PRKG1: variants seen among roughly 807,000 people sequenced by gnomAD.
The protein encoded by PRKG1 is cGMP-dependent protein kinase 1.
PRKG1 carries 35 observed loss-of-function variants against 88.1 expected under a neutral mutation model. That is an observed-to-expected ratio of 0.40 (90% CI 0.30 to 0.53). The LOEUF is 0.53. PRKG1 is among the 20% of genes least tolerant of loss of function. The pLI, the probability that PRKG1 is intolerant of heterozygous loss-of-function variation, is 0.59. For synonymous variants in PRKG1, 303 were observed against 292.5 expected (o/e 1.04, Z -0.37); for missense variants, 540 against 839.8 (o/e 0.64, Z 4.41).
chr10:51,134,930 A>G (rs1380400372), intron 1 of PRKG1, among the ~76,000 whole-genome samples: 1 of 152,214 alleles, frequency 6.6e-6, no homozygotes, highest in Non-Finnish European at 1.5e-5. Flanking sequence ...TTTGGAAAAT[A>G]ATAAAATGGA....
At chr10:51,146,884 G>A (rs765798234) in intron 1 of PRKG1, among the ~76,000 whole-genome samples, 9 of 152,012 alleles carry the variant, frequency 5.9e-5, no homozygotes, top group African/African-American at 1.9e-4. Context: ...GCCAAGATAC[G>A]GAATCAATCT....
intron 3 of PRKG1, among the ~76,000 whole-genome samples, chr10:51,599,823 C>A (rs1484333106): frequency 6.6e-6 from 1 of 152,152 alleles, no homozygotes; most frequent in East Asian, 1.9e-4. Flanking sequence ...TGCCTTAATG[C>A]TGCTTTTTAA....
chr10:52,037,150 C>T (rs979279708), intron 5 of PRKG1, among the ~76,000 whole-genome samples: 7 of 152,200 alleles, frequency 4.6e-5, no homozygotes, highest in East Asian at 1.9e-4. Context: ...GGGTCCCACA[C>T]AGATGGGACA....
intron 2 of PRKG1, among the ~76,000 whole-genome samples, chr10:51,180,441 A>T (rs1334742727): frequency 6.6e-6 from 1 of 152,220 alleles, no homozygotes; most frequent in East Asian, 1.9e-4. Flanking sequence ...CATCCCAAAG[A>T]TCCCCATCTT....
intron 9 of PRKG1, among the ~76,000 whole-genome samples, chr10:52,240,575 C>T (rs1179850833): frequency 1.3e-5 from 2 of 152,088 alleles, no homozygotes; most frequent in Non-Finnish European, 2.9e-5. Context: ...AGTTTTTTGG[C>T]AGCATCATAG....
At chr10:51,977,095 T>C (rs886095397) in intron 5 of PRKG1, among the ~76,000 whole-genome samples, 1 of 151,974 alleles carries the variant, frequency 6.6e-6, no homozygotes, top group Admixed American at 6.6e-5. Context: ...CCATTAGTTA[T>C]TGTTCAGACC....
intron 3 of PRKG1, among the ~76,000 whole-genome samples, chr10:51,706,043 G>A (rs942719025): frequency 2.0e-5 from 3 of 152,284 alleles, no homozygotes; most frequent in Admixed American, 6.5e-5. Flanking sequence ...TCAGTGCTGT[G>A]GTAACAGATG....
chr10:51,305,142 G>A (rs546304957), intron 2 of PRKG1, among the ~76,000 whole-genome samples: 4 of 152,270 alleles, frequency 2.6e-5, no homozygotes, highest in African/African-American at 7.2e-5. Context: ...TCCTATAGGA[G>A]CATAATCACC....
At chr10:51,781,578 G>C (rs1401516174) in intron 3 of PRKG1, among the ~76,000 whole-genome samples, 1 of 152,056 alleles carries the variant, frequency 6.6e-6, no homozygotes, top group East Asian at 1.9e-4. Context: ...TTTTTATACT[G>C]TTCACAGAAA....
At chr10:51,034,274 G>A (rs2132749775) in intron 1 of PRKG1, among the ~76,000 whole-genome samples, 1 of 152,204 alleles carries the variant, frequency 6.6e-6, no homozygotes, top group East Asian at 1.9e-4. Context: ...GTTGAAGAGT[G>A]CATCAGGACA....
chr10:51,793,118 T>C (rs551625655), intron 3 of PRKG1, among the ~76,000 whole-genome samples: 4 of 56,106 alleles, frequency 7.1e-5, no homozygotes, highest in East Asian at 7.3e-4. Flanking sequence ...ATCTCTATTT[T>C]AAAGAAGGTC....
chr10:51,506,479 C>T (rs1181565584), intron 3 of PRKG1, among the ~76,000 whole-genome samples: 2 of 152,108 alleles, frequency 1.3e-5, no homozygotes, highest in Non-Finnish European at 2.9e-5. Context: ...ACCCCATCAA[C>T]AAGTGGGCAA....
intron 1 of PRKG1, among the ~76,000 whole-genome samples, chr10:51,001,915 T>C (rs981684749): frequency 6.6e-6 from 1 of 152,030 alleles, no homozygotes; most frequent in African/African-American, 2.4e-5. Context: ...AATATCAGGA[T>C]TTATAAGTTT....
At chr10:51,746,592 G>A (rs1399911812) in intron 3 of PRKG1, among the ~76,000 whole-genome samples, 1 of 151,924 alleles carries the variant, frequency 6.6e-6, no homozygotes, top group Non-Finnish European at 1.5e-5. Flanking sequence ...GCATCATGGT[G>A]GGTGCCTGTA....
chr10:51,858,786 G>T (rs905309257), intron 4 of PRKG1, among the ~76,000 whole-genome samples: 1 of 151,928 alleles, frequency 6.6e-6, no homozygotes, highest in African/African-American at 2.4e-5. Flanking sequence ...TTCAATAAAG[G>T]CACTTTCAAA....
chr10:52,196,137 C>T (rs370833188), intron 9 of PRKG1, among the ~76,000 whole-genome samples: 12 of 152,182 alleles, frequency 7.9e-5, no homozygotes, highest in African/African-American at 1.9e-4. Flanking sequence ...CTCAGCCCCC[C>T]GAGTAGCTGG....
chr10:51,202,864 C>A (rs1837949548), intron 2 of PRKG1, among the ~76,000 whole-genome samples: 1 of 152,142 alleles, frequency 6.6e-6, no homozygotes, highest in African/African-American at 2.4e-5. Context: ...AATGGAAAGC[C>A]ATTGAGTATT....
chr10:51,341,590 A>G (rs1362181896), intron 2 of PRKG1, among the ~76,000 whole-genome samples: 1 of 152,122 alleles, frequency 6.6e-6, no homozygotes, highest in Non-Finnish European at 1.5e-5. Context: ...AACTCGTTCC[A>G]TATTGTTTTA....
intron 5 of PRKG1, among the ~76,000 whole-genome samples, chr10:51,998,478 G>A (rs1380026380): frequency 6.6e-6 from 1 of 152,096 alleles, no homozygotes; most frequent in African/African-American, 2.4e-5. Context: ...TTTTTTGACA[G>A]ATCATGATGC....
Sources: gnomAD v4.1 joint callset for allele counts (sites outside exome capture counted in the v4.1 genomes callset) on GRCh38, gnomAD v4.1.1 for gene constraint, MANE v1.5 for transcripts, NCBI Gene and HGNC (gene_info 2026-07-23, HGNC 2026-07-21) for gene names.